Variants in IARS1 observed in about 807,000 individuals in gnomAD.
IARS1 encodes the protein isoleucine--tRNA ligase, cytoplasmic.
A neutral mutation model predicts 168.2 loss-of-function variants in IARS1; 124 were observed. The observed-to-expected ratio is 0.74, with a 90% CI of 0.64 to 0.86. The LOEUF (loss-of-function observed/expected upper bound fraction) is 0.86. Among genes scored for constraint, IARS1 ranks in the 40% least tolerant of loss-of-function variants. IARS1 has a pLI of 0.00. For missense variants in IARS1, 1,452 were observed against 1,515.8 expected (o/e 0.96, Z 0.70); for synonymous variants, 532 against 529.4 (o/e 1.00, Z -0.07).
At chr9:92,213,670 G>A (rs770990332) in intron 33 of IARS1, among the ~76,000 whole-genome samples, 1 of 152,174 alleles carries the variant, frequency 6.6e-6, no homozygotes, top group African/African-American at 2.4e-5. Context: ...GATGACTTGA[G>A]CCATCCCATT....
chr9:92,236,126 G>A (rs1343319820), intron 30 of IARS1, among the ~76,000 whole-genome samples: 1 of 152,052 alleles, frequency 6.6e-6, no homozygotes, highest in Admixed American at 6.6e-5. Context: ...TGAGATTACA[G>A]GCGCCCGCCA....
rs749373708 is a variant in IARS1 at position 92,223,348 on chromosome 9, T to A, written c.3551A>T (p.Gln1184Leu). 6.2e-7 allele frequency: 1 copy of A among 1,610,958 alleles called. No individual in the cohort carries two copies. The highest frequency in any genetic ancestry group is 8.5e-7 in the Non-Finnish European group (1 of 1,177,938). ...GCCTGCTGTGGGGAGGCACATACCTTGTGGCTTTGCATTCAGGAGCTGTAG... is the reference window on the plus strand; with the variant it reads ...GCCTGCTGTGGGGAGGCACATACCTAGTGGCTTTGCATTCAGGAGCTGTAG... ...INLQLLNAKP[Q>L]ECLMGTVGTL... is the part of the protein sequence containing the mutation. The change falls in exon 32 of 34, where the codon CAA becomes CTA. Residue 1184 changes from glutamine (Q) to leucine (L), a missense_variant and splice_region_variant. Gln to Leu is a moderately radical substitution (Grantham distance 113, BLOSUM62 -2). Transcript: ENST00000443024.
At chr9:92,289,252 C>A (rs767919476) in intron 2 of IARS1, 49 bp downstream of exon 2, 12 of 661,988 alleles carry the variant, frequency 1.8e-5, no homozygotes, top group Non-Finnish European at 2.7e-5. Flanking sequence ...GGAATTCAGT[C>A]TAAGAAATGA....
chr9:92,265,598 C>T, intron 14 of IARS1, 45 bp from the exon 15 acceptor site: 1 of 1,379,478 alleles, frequency 7.2e-7, no homozygotes, highest in South Asian at 1.2e-5. Context: ...TAGAGCCAAA[C>T]AGAGCATACT....
chr9:92,245,424 AG>A (rs1489892158), intron 26 of IARS1, among the ~76,000 whole-genome samples: 4 of 152,216 alleles, frequency 2.6e-5, no homozygotes, highest in African/African-American at 9.7e-5. Context: ...GTCTTTAAAG[AG>A]AAAGTGAACT....
chr9:92,288,010 GA>G, intron 3 of IARS1, 100 bp from the exon 4 acceptor site: 2 of 1,535,906 alleles, frequency 1.3e-6, no homozygotes, highest in Non-Finnish European at 1.8e-6. Context: ...AAATATTATA[GA>G]AATGAACTAG....
At chr9:92,293,323 T>C (rs1414930075) in intron 1 of IARS1, 9 of 280,604 alleles carry the variant, frequency 3.2e-5, no homozygotes, top group South Asian at 7.1e-5. Context: ...CTCGCAGCCA[T>C]TGAAGGTAAT....
chr9:92,236,129 G>A (rs1454051829), intron 30 of IARS1, among the ~76,000 whole-genome samples: 2 of 151,688 alleles, frequency 1.3e-5, no homozygotes, highest in Non-Finnish European at 2.9e-5. Flanking sequence ...GATTACAGGC[G>A]CCCGCCACCA....
At position 92,222,688 on chromosome 9, in the gene IARS1, C is replaced by CA; in HGVS notation, c.3554-17dup. 1 of 1,613,022 alleles carries CA rather than the reference C, an allele frequency of 6.2e-7. No homozygotes were observed. The highest frequency in any genetic ancestry group is 8.5e-7 in the Non-Finnish European group (1 of 1,179,520). On this transcript the variant is annotated splice_polypyrimidine_tract_variant and intron_variant, in intron 32 of 33. Transcript: ENST00000443024. ...ATTAAACACTCTGTGGAAGACAGAA[C>CA]AAACTGGATTAAATCTCGAGAGTTC...
intron 33 of IARS1, among the ~76,000 whole-genome samples, chr9:92,212,880 T>C (rs984449081): frequency 1.3e-5 from 2 of 151,880 alleles, no homozygotes; most frequent in African/African-American, 4.8e-5. Context: ...ATAAGGAGCT[T>C]TGGGGGCTCT....
chr9:92,289,282 A>T lies in IARS1; in HGVS notation c.119+19T>A. On this transcript the variant is annotated intron_variant, in intron 2 of 33. Transcript: ENST00000443024. ...AAATGACTATTCTTAAGGGAACTTA[A>T]CCTAAAAAATTCACATACTTTGGTT... The T allele has an allele frequency of 1.0e-6, 1 of 985,626 alleles. No individual in the cohort carries two copies. Among genetic ancestry groups the T allele is most frequent in the East Asian group, 2.4e-5 (1 of 41,776 alleles). 61.1% of individuals were successfully genotyped at this position (985,626 alleles called of 1,614,324 possible). A position where few individuals can be genotyped will look rare whatever the true frequency, so the allele number is the denominator to read the frequency against.
chr9:92,278,685 TACAA>T (rs1834098086), intron 7 of IARS1, among the ~76,000 whole-genome samples: 1 of 152,196 alleles, frequency 6.6e-6, no homozygotes, highest in Admixed American at 6.5e-5. Context: ...TCTATGTATA[TACAA>T]ACAAACATAT....
At chr9:92,275,420 C>T (rs1252299116) in intron 9 of IARS1, among the ~76,000 whole-genome samples, 4 of 152,206 alleles carry the variant, frequency 2.6e-5, no homozygotes, top group African/African-American at 4.8e-5. Context: ...TTTTCAATTA[C>T]ATCACAGCAC....
rs1471435064 is a variant in IARS1 at position 92,210,608 on chromosome 9, G to C, written c.*199C>G. On this transcript the variant is annotated 3_prime_UTR_variant, in exon 34 of 34. Coordinates refer to ENST00000443024, the MANE Select transcript of IARS1 (RefSeq NM_002161.6). ...CCAACATGACTGCATAGGTGTCTAA[G>C]GTTAAGTGTGAAGATTACTGTGAGG... is the stretch of plus-strand genomic sequence containing the variant. 5.7e-6 allele frequency: 3 copies of C among 526,202 alleles called. No individual in the cohort carries two copies. The East Asian group carries it at 9.2e-5, about 16-fold the overall frequency. 32.6% of individuals were successfully genotyped at this position (526,202 alleles called of 1,614,324 possible). A position where few individuals can be genotyped will look rare whatever the true frequency, so the allele number is the denominator to read the frequency against.
intron 15 of IARS1, 83 bp from the exon 16 acceptor site, chr9:92,265,206 C>A (rs959623294): frequency 1.7e-6 from 2 of 1,198,196 alleles, no homozygotes; most frequent in Non-Finnish European, 2.3e-6. Context: ...AAACACAAAA[C>A]CCTGACAAGA....
intron 26 of IARS1, among the ~76,000 whole-genome samples, chr9:92,246,748 A>T (rs1354292454): frequency 6.6e-6 from 1 of 152,108 alleles, no homozygotes; most frequent in African/African-American, 2.4e-5. Context: ...ATCTCAAGTG[A>T]TCTATCCAAC....
At chr9:92,270,651 C>T (rs541921707) in intron 12 of IARS1, among the ~76,000 whole-genome samples, 2 of 152,094 alleles carry the variant, frequency 1.3e-5, no homozygotes, top group South Asian at 2.1e-4. Context: ...AAAAATCAGC[C>T]GGGTGTGATG....
chr9:92,270,715 A>G (rs1276318493), intron 12 of IARS1, among the ~76,000 whole-genome samples: 1 of 152,120 alleles, frequency 6.6e-6, no homozygotes, highest in Non-Finnish European at 1.5e-5. Context: ...AGGATTGCTT[A>G]AGCCGGGGAG....
rs1182233008 is a variant in IARS1, at chr9:92,288,201, T to C, written c.201A>G (p.Ile67Met). The C allele has an allele frequency of 6.2e-7, 1 of 1,614,052 alleles. No homozygotes were observed. The highest frequency in any genetic ancestry group is 1.1e-5 in the South Asian group (1 of 91,082). Reference protein sequence around the residue: ...GHILAGTIKDIVTRYAHQSGF... With the variant: ...GHILAGTIKDMVTRYAHQSGF... ...CACTCTGGTGAGCATATCTTGTAAC[T>C]ATATCTTTAATTGTACCCGCAAGTA... Residue 67 changes from isoleucine (I) to methionine (M), a missense_variant, in exon 3 of 34, where the codon ATA (isoleucine) becomes ATG (methionine). Coordinates refer to ENST00000443024, the MANE Select transcript of IARS1 (RefSeq NM_002161.6).
Sources: allele counts gnomAD v4.1 joint callset (sites outside exome capture counted in the v4.1 genomes callset), GRCh38; gene constraint gnomAD v4.1.1; transcripts MANE v1.5; gene names NCBI Gene and HGNC (gene_info 2026-07-23, HGNC 2026-07-21).